The following CACNA2D3 variants were observed in gnomAD, a reference collection of about 807,000 sequenced individuals.
CACNA2D3 encodes calcium voltage-gated channel auxiliary subunit alpha2delta 3.
Under a neutral mutation model 160.6 loss-of-function variants are expected in CACNA2D3, and 60 were observed. That is an observed-to-expected ratio of 0.37 (90% confidence interval 0.30 to 0.46). The LOEUF is 0.46. CACNA2D3 is among the 20% of genes least tolerant of loss of function. The pLI is 1.00. For missense variants in CACNA2D3, 1,205 were observed against 1,365.0 expected (o/e 0.88, Z 1.85); for synonymous variants, 558 against 492.9 (o/e 1.13, Z -1.75).
chr3:54,409,124 A>G (rs997739996), intron 4 of CACNA2D3, among the ~76,000 whole-genome samples: 1 of 152,208 alleles, frequency 6.6e-6, no homozygotes, highest in Admixed American at 6.5e-5. Flanking sequence ...TTTACAAATT[A>G]AAGCTTTATA....
chr3:54,572,190 G>A (rs1702510330), intron 8 of CACNA2D3, among the ~76,000 whole-genome samples: 1 of 152,150 alleles, frequency 6.6e-6, no homozygotes, highest in Non-Finnish European at 1.5e-5. Flanking sequence ...GGCCTCTTCT[G>A]ATCAGACTCT....
intron 11 of CACNA2D3, among the ~76,000 whole-genome samples, chr3:54,671,182 A>G (rs1575415966): frequency 6.6e-6 from 1 of 151,524 alleles, no homozygotes; most frequent in African/African-American, 2.4e-5. Context: ...ACATATATTA[A>G]TCATTTCCTT....
chr3:54,924,559 A>G, intron 27 of CACNA2D3: 4 of 1,348,288 alleles, frequency 3.0e-6, no homozygotes, highest in Non-Finnish European at 3.1e-6. Context: ...CAGAGAACAG[A>G]TGAGATTCAT....
chr3:54,135,114 G>C lies in CACNA2D3; in HGVS notation c.204+11520G>C, dbSNP rs563052714. ...CCCTTCGCCTTCACATGGGGTTGAG[G>C]CCCTGCCAGCATCAAGATGTGTGCG... On this transcript the variant is annotated intron_variant, in intron 2 of 37. Transcript: ENST00000474759. 7.6e-4 allele frequency among the ~76,000 whole-genome samples: 116 copies of C among 152,236 alleles called. No individual in the cohort carries two copies. In the South Asian group the frequency reaches 0.024, roughly 31 times the overall value.
chr3:54,689,545 A>G (rs765207210), intron 11 of CACNA2D3, among the ~76,000 whole-genome samples: 3 of 151,992 alleles, frequency 2.0e-5, no homozygotes, highest in African/African-American at 7.3e-5. Flanking sequence ...CAGCTCCTCA[A>G]CTACCTCCCC....
At chr3:54,739,734 G>A (rs1325527282) in intron 11 of CACNA2D3, among the ~76,000 whole-genome samples, 2 of 147,694 alleles carry the variant, frequency 1.4e-5, no homozygotes, top group Non-Finnish European at 3.0e-5. Context: ...TGGAATGACA[G>A]GCCCTTCTCC....
chr3:54,643,682 G>A (rs1699573916), intron 11 of CACNA2D3, among the ~76,000 whole-genome samples: 1 of 152,222 alleles, frequency 6.6e-6, no homozygotes, highest in African/African-American at 2.4e-5. Context: ...GCCAGAATTA[G>A]TTCATAATAA....
intron 2 of CACNA2D3, among the ~76,000 whole-genome samples, chr3:54,208,050 A>T (rs569450937): frequency 6.6e-6 from 1 of 152,122 alleles, no homozygotes; most frequent in East Asian, 1.9e-4. Context: ...CTTTTCTAAA[A>T]TGGGTGAGTA....
intron 3 of CACNA2D3, among the ~76,000 whole-genome samples, chr3:54,336,553 T>G (rs1337339993): frequency 6.6e-6 from 1 of 152,208 alleles, no homozygotes; most frequent in Non-Finnish European, 1.5e-5. Context: ...ATAATTTTAA[T>G]AGTTACATGA....
chr3:54,749,705 T>C (rs1244290244), intron 11 of CACNA2D3, among the ~76,000 whole-genome samples: 2 of 152,248 alleles, frequency 1.3e-5, no homozygotes, highest in East Asian at 3.8e-4. Flanking sequence ...ATCCTTTGAT[T>C]ATGTTTATTT....
chr3:54,807,199 C>T (rs1000886142), intron 13 of CACNA2D3, among the ~76,000 whole-genome samples: 3 of 152,148 alleles, frequency 2.0e-5, no homozygotes, highest in African/African-American at 7.2e-5. Context: ...ACAAAATTGA[C>T]AAATGGGATC....
At chr3:54,911,693 C>T (rs1294367976) in intron 27 of CACNA2D3, among the ~76,000 whole-genome samples, 1 of 152,100 alleles carries the variant, frequency 6.6e-6, no homozygotes, top group Non-Finnish European at 1.5e-5. Context: ...CTACCGCTTC[C>T]CCTGTCTTCT....
chr3:54,138,131 C>A (rs1699853064), intron 2 of CACNA2D3, among the ~76,000 whole-genome samples: 1 of 152,220 alleles, frequency 6.6e-6, no homozygotes, highest in African/African-American at 2.4e-5. Flanking sequence ...ATGTGACTTG[C>A]CCAGGGCAAC....
chr3:54,949,620 A>C (rs1701704889), intron 27 of CACNA2D3, among the ~76,000 whole-genome samples: 1 of 152,190 alleles, frequency 6.6e-6, no homozygotes, highest in Admixed American at 6.5e-5. Flanking sequence ...CAACATTCTC[A>C]AGCGCATTGG....
At chr3:54,838,335 C>A (rs539545574) in intron 15 of CACNA2D3, among the ~76,000 whole-genome samples, 1 of 152,090 alleles carries the variant, frequency 6.6e-6, no homozygotes, top group African/African-American at 2.4e-5. Flanking sequence ...TAGGATTATG[C>A]GTTGGGGACT....
intron 35 of CACNA2D3, among the ~76,000 whole-genome samples, chr3:55,066,064 A>C (rs1334394209): frequency 1.3e-5 from 2 of 152,204 alleles, no homozygotes; most frequent in East Asian, 3.9e-4. Flanking sequence ...ACAGTCACCA[A>C]ATGTTTGCTC....
intron 35 of CACNA2D3, among the ~76,000 whole-genome samples, chr3:55,036,653 A>G (rs1703822390): frequency 6.6e-6 from 1 of 151,418 alleles, no homozygotes; most frequent in Non-Finnish European, 1.5e-5. Context: ...CTTTTAGTAG[A>G]GACAGGGTTT....
intron 34 of CACNA2D3, among the ~76,000 whole-genome samples, chr3:55,015,085 T>C (rs1304273240): frequency 1.3e-5 from 2 of 152,212 alleles, no homozygotes; most frequent in African/African-American, 2.4e-5. Context: ...ATTGAGAGTA[T>C]TGGACTCATT....
intron 2 of CACNA2D3, among the ~76,000 whole-genome samples, chr3:54,301,755 A>G (rs1002918551): frequency 6.6e-6 from 1 of 152,106 alleles, no homozygotes; most frequent in African/African-American, 2.4e-5. Flanking sequence ...CACATAACAA[A>G]CACTTGTCCC....
Sources: allele counts gnomAD v4.1 joint callset (sites outside exome capture counted in the v4.1 genomes callset), GRCh38; gene constraint gnomAD v4.1.1; transcripts MANE v1.5; gene names NCBI Gene and HGNC (gene_info 2026-07-23, HGNC 2026-07-21).